GLRA3: variants seen among roughly 807,000 people sequenced by gnomAD.
The protein encoded by GLRA3 is glycine receptor alpha 3.
Under a neutral mutation model 60.4 loss-of-function variants are expected in GLRA3, and 44 were observed. The observed-to-expected ratio is 0.73, with a 90% CI of 0.57 to 0.94. GLRA3 has a LOEUF of 0.94. Among genes scored for constraint, GLRA3 ranks in the 40% least tolerant of loss-of-function variants. GLRA3 has a pLI of 0.00. For missense variants in GLRA3, 508 were observed against 564.6 expected (o/e 0.90, Z 1.02); for synonymous variants, 223 against 192.9 (o/e 1.16, Z -1.29).
chr4:174,753,690 T>C (rs1737573142), intron 3 of GLRA3, among the ~76,000 whole-genome samples: 1 of 152,174 alleles, frequency 6.6e-6, no homozygotes, highest in African/African-American at 2.4e-5. Context: ...CTACGATACC[T>C]TCCTCTAGAG....
In GLRA3 at chr4:174,640,486, A is replaced by G. The variant is rs1732599443; in HGVS notation, c.*3300T>C. 6.6e-6 allele frequency: 1 copy of G among 152,124 alleles called. No homozygotes were observed. Among genetic ancestry groups the G allele is most frequent in the South Asian group, 2.1e-4 (1 of 4,836 alleles). The allele number at this position is 152,124 out of a possible 1,614,324, so 9.4% of individuals were successfully genotyped here. On this transcript the variant is annotated 3_prime_UTR_variant, in exon 10 of 10. Transcript: ENST00000274093. ...TATGTTGTGTTGAGAAAAATAGAAA[A>G]GCATATTTTAAAAAGTGGAATAAAA...
At chr4:174,754,712 A>T (rs1737622029) in intron 3 of GLRA3, among the ~76,000 whole-genome samples, 1 of 152,174 alleles carries the variant, frequency 6.6e-6, no homozygotes, top group East Asian at 1.9e-4. Flanking sequence ...ACAGAAAAAA[A>T]TGGACTTTTC....
intron 1 of GLRA3, among the ~76,000 whole-genome samples, chr4:174,793,694 G>A (rs1014439715): frequency 7.9e-5 from 12 of 151,966 alleles, no homozygotes; most frequent in African/African-American, 2.4e-4. Flanking sequence ...ACCTGGCCAC[G>A]ATTTGCTTTT....
intron 2 of GLRA3, among the ~76,000 whole-genome samples, chr4:174,784,981 C>A (rs2111292749): frequency 6.6e-6 from 1 of 152,148 alleles, no homozygotes; most frequent in African/African-American, 2.4e-5. Flanking sequence ...ATGAGTTAAG[C>A]ACCTAATTAT....
chr4:174,683,273 C>A (rs1734424806), intron 5 of GLRA3, among the ~76,000 whole-genome samples: 1 of 152,110 alleles, frequency 6.6e-6, no homozygotes, highest in South Asian at 2.1e-4. Context: ...TGATTTCATT[C>A]CATCTGGTTT....
At chr4:174,677,552 G>A (rs2110956344) in intron 6 of GLRA3, among the ~76,000 whole-genome samples, 1 of 150,866 alleles carries the variant, frequency 6.6e-6, no homozygotes, top group Non-Finnish European at 1.5e-5. Flanking sequence ...TAGAGATGTG[G>A]TTTCACCATG....
At chr4:174,824,501 G>A (rs532243299) in intron 1 of GLRA3, among the ~76,000 whole-genome samples, 59 of 152,252 alleles carry the variant, frequency 3.9e-4, no homozygotes, top group African/African-American at 1.3e-3. Flanking sequence ...CCATCGTGAA[G>A]CAATGCTGTG....
At chr4:174,725,417 T>C (rs775649574) in intron 4 of GLRA3, among the ~76,000 whole-genome samples, 3 of 152,236 alleles carry the variant, frequency 2.0e-5, no homozygotes, top group Non-Finnish European at 4.4e-5. Context: ...TTCAAGCATA[T>C]TTGTAATTGC....
rs907726665 is a variant in GLRA3 at position 174,712,902 on chromosome 4, CAT to C, written c.574+2584_574+2585del. The C allele has an allele frequency of 2.1e-4, 31 of 148,552 alleles. 1 individual carries two copies. Among genetic ancestry groups the C allele is most frequent in the Non-Finnish European group, 3.3e-4 (22 of 66,814 alleles). The allele number at this position is 148,552 out of a possible 1,614,324, so 9.2% of individuals were successfully genotyped here. On this transcript the variant is annotated intron_variant, in intron 5 of 9. Coordinates refer to ENST00000274093, the MANE Select transcript of GLRA3 (RefSeq NM_006529.4). ...ATGTATGAGTATATATATACACACA[CAT>C]ATATGCATATATATACACACATATG...
intron 3 of GLRA3, among the ~76,000 whole-genome samples, chr4:174,750,252 A>G (rs972482361): frequency 1.3e-5 from 2 of 152,144 alleles, no homozygotes; most frequent in African/African-American, 4.8e-5. Flanking sequence ...ACTGATTGCT[A>G]TAGGTGTGTT....
chr4:174,682,943 G>T lies in GLRA3; in HGVS notation c.575-4C>A. 2 of 1,606,464 alleles carry T rather than the reference G, an allele frequency of 1.2e-6. No homozygotes were observed. The highest frequency in any genetic ancestry group is 1.7e-6 in the Non-Finnish European group (2 of 1,174,918). On this transcript the variant is annotated splice_polypyrimidine_tract_variant and splice_region_variant and intron_variant, in intron 5 of 9. Transcript: ENST00000274093. ...AGATCATTCATTGTGTACCCAACTAGGCAAAACATAATAAAAATATGAATA... is the reference window on the plus strand; with the variant it reads ...AGATCATTCATTGTGTACCCAACTATGCAAAACATAATAAAAATATGAATA...
At chr4:174,665,286 T>G (rs934788783) in intron 7 of GLRA3, among the ~76,000 whole-genome samples, 3 of 151,546 alleles carry the variant, frequency 2.0e-5, no homozygotes, top group African/African-American at 7.3e-5. Flanking sequence ...ACCCTCCTTC[T>G]TTGGGTAACT....
chr4:174,781,575 A>T (rs879541127), intron 2 of GLRA3, among the ~76,000 whole-genome samples: 3 of 149,174 alleles, frequency 2.0e-5, no homozygotes, highest in African/African-American at 7.4e-5. Flanking sequence ...TAGCAAGACT[A>T]ATAAAGAAAA....
At chr4:174,673,102 G>C (rs1406131325) in intron 7 of GLRA3, among the ~76,000 whole-genome samples, 3 of 151,738 alleles carry the variant, frequency 2.0e-5, no homozygotes, top group Non-Finnish European at 4.4e-5. Flanking sequence ...TATGAAACAG[G>C]ATGAAAAAAA....
chr4:174,650,038 G>A (rs1243028987), intron 9 of GLRA3, among the ~76,000 whole-genome samples: 1 of 152,060 alleles, frequency 6.6e-6, no homozygotes, highest in African/African-American at 2.4e-5. Flanking sequence ...GAAGAGTTTG[G>A]AAACTAGTGG....
chr4:174,828,678 G>A (rs759360705), intron 1 of GLRA3, 63 bp downstream of exon 1: 150 of 965,118 alleles, frequency 1.6e-4, no homozygotes, highest in Non-Finnish European at 2.5e-4. Flanking sequence ...TCAATAACAA[G>A]TGGTTGCAAC....
At chr4:174,705,799 G>T in intron 5 of GLRA3, among the ~76,000 whole-genome samples, 1 of 99,486 alleles carries the variant, frequency 1.0e-5, no homozygotes, top group Non-Finnish European at 2.3e-5. Flanking sequence ...TGAGAAATGA[G>T]AGACATTTTC....
At chr4:174,648,817 A>T (rs1399959206) in intron 9 of GLRA3, among the ~76,000 whole-genome samples, 1 of 152,184 alleles carries the variant, frequency 6.6e-6, no homozygotes, top group Non-Finnish European at 1.5e-5. Context: ...TACATCTATA[A>T]GCTCTCTTTA....
At chr4:174,759,460 G>A (rs538632116) in intron 3 of GLRA3, among the ~76,000 whole-genome samples, 1 of 152,186 alleles carries the variant, frequency 6.6e-6, no homozygotes, top group South Asian at 2.1e-4. Flanking sequence ...TAAAGAGAGT[G>A]ATGCATCGTA....
Sources: gnomAD v4.1 joint callset for allele counts (sites outside exome capture counted in the v4.1 genomes callset) on GRCh38, gnomAD v4.1.1 for gene constraint, MANE v1.5 for transcripts, NCBI Gene and HGNC (gene_info 2026-07-23, HGNC 2026-07-21) for gene names.